Variants in SEC14L5 observed in about 807,000 individuals in gnomAD.
SEC14L5 encodes SEC14 like lipid binding 5.
In SEC14L5, 96 loss-of-function variants were observed where a neutral mutation model predicts 84.6. The observed-to-expected ratio is 1.13, with a 90% CI of 0.96 to 1.34. The LOEUF (loss-of-function observed/expected upper bound fraction) is 1.34, where lower values mean the gene tolerates loss of function less well. Among genes scored for constraint, SEC14L5 ranks in the 40% most tolerant of loss-of-function variants. The pLI is 0.00. For missense variants in SEC14L5, 1,224 were observed against 942.5 expected (o/e 1.30, Z -3.91); for synonymous variants, 546 against 383.4 (o/e 1.42, Z -4.95).
Position 4,969,875 on chromosome 16 carries a change from C to T in SEC14L5, c.63+10489C>T, listed in dbSNP as rs138327656. Among the ~76,000 whole-genome samples the T allele has an allele frequency of 2.2e-3, 322 of 149,574 alleles. 3 individuals carry two copies. Among genetic ancestry groups the T allele is most frequent in the African/African-American group, 7.6e-3 (308 of 40,492 alleles). On this transcript the variant is annotated intron_variant, in intron 2 of 15. Coordinates refer to ENST00000251170, the MANE Select transcript of SEC14L5 (RefSeq NM_014692.2). ...GGTTGTCACCCAGGCTGGGGTGCAG[C>T]GGCACGATCACAGCTCACTGCAGCC...
intron 5 of SEC14L5, among the ~76,000 whole-genome samples, chr16:4,991,449 C>T (rs1409259427): frequency 6.6e-6 from 1 of 151,576 alleles, no homozygotes; most frequent in Non-Finnish European, 1.5e-5. Context: ...GCCTATAGTC[C>T]CAGCTGCTCA....
intron 8 of SEC14L5, among the ~76,000 whole-genome samples, chr16:4,998,014 T>C (rs1287115295): frequency 6.6e-6 from 1 of 150,796 alleles, no homozygotes; most frequent in African/African-American, 2.4e-5. Flanking sequence ...TTTTTTTTTT[T>C]TTTTTTTGAG....
Position 4,987,688 on chromosome 16 carries a change from C to G in SEC14L5, c.195C>G (p.Ala65=). 2 of 1,531,806 alleles carry G rather than the reference C, an allele frequency of 1.3e-6. No homozygotes were observed. The highest frequency in any genetic ancestry group is 2.6e-5 in the East Asian group (1 of 38,926). 94.9% of individuals were successfully genotyped at this position (1,531,806 alleles called of 1,614,324 possible). The change falls in exon 3 of 16, where the codon GCC becomes GCG. Residue 65 remains alanine, a synonymous_variant. Coordinates refer to ENST00000251170, the MANE Select transcript of SEC14L5 (RefSeq NM_014692.2). ...GGAGCTGCCGGCTGCGCGTGGACGC[C>G]CCGCGGCTGCTGCGGAAGGTGGGCG... The part of the protein sequence containing the change: ...VERSCRLRVD[A]PRLLRKIAGV...
At position 4,996,920 on chromosome 16, in the gene SEC14L5, G is replaced by A. The variant is rs1200278205; in HGVS notation, c.846G>A (p.Arg282=). 1 of 1,613,760 alleles carries A rather than the reference G, an allele frequency of 6.2e-7. No homozygotes were observed. The highest frequency in any genetic ancestry group is 8.5e-7 in the Non-Finnish European group (1 of 1,179,792). The part of the protein sequence containing the change: ...RAHDFHLDKA[R]EMLRQSLSWR... ...ATGACTTCCACCTGGACAAGGCCCGGGAAATGCTGCGCCAGTCCTTGAGCT... is the reference window on the plus strand; with the variant it reads ...ATGACTTCCACCTGGACAAGGCCCGAGAAATGCTGCGCCAGTCCTTGAGCT... Residue 282 remains arginine, a synonymous_variant, in exon 8 of 16, where the codon CGG becomes CGA. Transcript: ENST00000251170.
intron 5 of SEC14L5, among the ~76,000 whole-genome samples, chr16:4,991,344 T>C (rs913808858): frequency 2.6e-5 from 4 of 151,990 alleles, no homozygotes; most frequent in African/African-American, 9.7e-5. Flanking sequence ...GAGGCCCAGT[T>C]GAGCCCAGGA....
At chr16:5,003,707 C>T (rs1568144779) in intron 11 of SEC14L5, 134 bp downstream of exon 11, 4 of 627,988 alleles carry the variant, frequency 6.4e-6, no homozygotes, top group Non-Finnish European at 1.1e-5. Flanking sequence ...ACTCACATAG[C>T]ATAAAGCTCA....
At chr16:4,994,481 C>T (rs915649126) in intron 6 of SEC14L5, among the ~76,000 whole-genome samples, 1 of 152,066 alleles carries the variant, frequency 6.6e-6, no homozygotes, top group Admixed American at 6.6e-5. Context: ...GGAGCTGGGA[C>T]TACAGGCGTG....
chr16:5,011,684 T>C (rs1955806549), intron 15 of SEC14L5, among the ~76,000 whole-genome samples: 1 of 152,168 alleles, frequency 6.6e-6, no homozygotes, highest in Non-Finnish European at 1.5e-5. Flanking sequence ...CAGGGAACTG[T>C]AATGGTTAAG....
chr16:5,013,048 G>C (rs1955824746), intron 15 of SEC14L5, among the ~76,000 whole-genome samples: 1 of 152,114 alleles, frequency 6.6e-6, no homozygotes, highest in Non-Finnish European at 1.5e-5. Flanking sequence ...GAGAGCAGAG[G>C]AAGCCACACA....
At chr16:4,965,629 C>G (rs1204410034) in intron 2 of SEC14L5, among the ~76,000 whole-genome samples, 1 of 134,260 alleles carries the variant, frequency 7.4e-6, no homozygotes, top group Non-Finnish European at 1.5e-5. Context: ...CCACTGCACT[C>G]CAGCCTGGGC....
intron 14 of SEC14L5, among the ~76,000 whole-genome samples, chr16:5,010,651 CA>C (rs1188201247): frequency 6.6e-6 from 1 of 152,182 alleles, no homozygotes; most frequent in Non-Finnish European, 1.5e-5. Context: ...CAGAGCAACC[CA>C]AAGTGGCTCT....
chr16:5,010,984 G>C, intron 14 of SEC14L5, 111 bp from the exon 15 acceptor site: 1 of 1,043,774 alleles, frequency 9.6e-7, no homozygotes, highest in South Asian at 1.6e-5. Context: ...GGGACAGAGG[G>C]AGAAGAGCCC....
At chr16:5,005,691 C>G (rs558910478) in intron 11 of SEC14L5, among the ~76,000 whole-genome samples, 1 of 151,052 alleles carries the variant, frequency 6.6e-6, no homozygotes, top group Non-Finnish European at 1.5e-5. Context: ...GAAACCCCGT[C>G]TGTACTAAAA....
At chr16:5,009,459 G>A (rs1189168056) in intron 14 of SEC14L5, among the ~76,000 whole-genome samples, 1 of 152,010 alleles carries the variant, frequency 6.6e-6, no homozygotes, top group Non-Finnish European at 1.5e-5. Context: ...GAGTAGCTGG[G>A]ACTACAGGTT....
At chr16:4,976,725 T>C (rs1479963140) in intron 2 of SEC14L5, among the ~76,000 whole-genome samples, 1 of 152,218 alleles carries the variant, frequency 6.6e-6, no homozygotes, top group Non-Finnish European at 1.5e-5. Flanking sequence ...GCTCTGGGCT[T>C]TGGACCATCT....
At chr16:4,958,966 A>ATG (rs1350183563) in intron 1 of SEC14L5, among the ~76,000 whole-genome samples, 1 of 147,322 alleles carries the variant, frequency 6.8e-6, no homozygotes, top group Non-Finnish European at 1.5e-5. Context: ...AGAATTGCAA[A>ATG]TGTGTGTGTG....
At chr16:4,981,327 G>C (rs1383713785) in intron 2 of SEC14L5, among the ~76,000 whole-genome samples, 1 of 136,802 alleles carries the variant, frequency 7.3e-6, no homozygotes, top group African/African-American at 2.7e-5. Context: ...GGCCAGGCTG[G>C]TCTTGAACTC....
rs1955543990 is a variant in SEC14L5, at chr16:4,990,753, T to G, written c.346-14T>G. The G allele has an allele frequency of 1.2e-6, 2 of 1,603,070 alleles. No homozygotes were observed. The highest frequency in any genetic ancestry group is 2.7e-5 in the African/African-American group (2 of 74,468). ...GACATTGAGTCCCTGGCATGACCCCTGCCTGGCTTTCAGGTCCACCCTGAG... is the reference window on the plus strand; with the variant it reads ...GACATTGAGTCCCTGGCATGACCCCGGCCTGGCTTTCAGGTCCACCCTGAG... On this transcript the variant is annotated splice_polypyrimidine_tract_variant and intron_variant, in intron 4 of 15. Transcript: ENST00000251170.
At chr16:5,007,750 CAT>C (rs1197226913) in intron 13 of SEC14L5, among the ~76,000 whole-genome samples, 2 of 144,948 alleles carry the variant, frequency 1.4e-5, no homozygotes, top group Non-Finnish European at 3.0e-5. Context: ...GGATTATAGA[CAT>C]ATGCCACTGC....
Sources: allele counts gnomAD v4.1 joint callset (sites outside exome capture counted in the v4.1 genomes callset), GRCh38; gene constraint gnomAD v4.1.1; transcripts MANE v1.5; gene names NCBI Gene and HGNC (gene_info 2026-07-23, HGNC 2026-07-21).